UBE2E3: variants seen among roughly 807,000 people sequenced by gnomAD.
UBE2E3 encodes the protein ubiquitin conjugating enzyme E2 E3.
Under a neutral mutation model 23.6 loss-of-function variants are expected in UBE2E3, and 5 were observed. The ratio of observed to expected loss-of-function variants is 0.21; its 90% CI spans 0.11 to 0.44. UBE2E3 has a LOEUF of 0.44. Among genes scored for constraint, UBE2E3 ranks in the 20% least tolerant of loss-of-function variants. The probability of loss-of-function intolerance (pLI) is 0.99; values close to 1 mark genes in which losing one functional copy is unlikely to be tolerated. For synonymous variants in UBE2E3, 78 were observed against 87.5 expected (o/e 0.89, Z 0.60); for missense variants, 81 against 249.8 (o/e 0.32, Z 4.55).
At chr2:181,024,785 T>C (rs1480462063) in intron 3 of UBE2E3, among the ~76,000 whole-genome samples, 1 of 152,052 alleles carries the variant, frequency 6.6e-6, no homozygotes, top group Non-Finnish European at 1.5e-5. Context: ...AACTACACAC[T>C]AAAAACCAAA....
At chr2:180,982,306 G>T (rs979445536) in intron 2 of UBE2E3, 70 bp downstream of exon 2, 1 of 1,407,806 alleles carries the variant, frequency 7.1e-7, no homozygotes, top group East Asian at 2.3e-5. Flanking sequence ...GCTTTTGTTG[G>T]TTTTACCTCA....
intron 4 of UBE2E3, among the ~76,000 whole-genome samples, chr2:181,059,043 A>C (rs960433642): frequency 1.3e-5 from 2 of 151,752 alleles, no homozygotes; most frequent in African/African-American, 4.8e-5. Flanking sequence ...ATAGTACTGT[A>C]TATGATTTGC....
At chr2:181,004,987 T>C (rs12613470) in intron 3 of UBE2E3, among the ~76,000 whole-genome samples, 1 of 152,012 alleles carries the variant, frequency 6.6e-6, no homozygotes, top group Admixed American at 6.5e-5. Flanking sequence ...TGTCAGCCTA[T>C]AAGACAAACT....
At chr2:181,031,949 C>T (rs1377384481) in intron 3 of UBE2E3, among the ~76,000 whole-genome samples, 4 of 152,038 alleles carry the variant, frequency 2.6e-5, no homozygotes, top group East Asian at 1.9e-4. Flanking sequence ...AAAGTTTGTC[C>T]GGCTCACAAA....
At chr2:181,050,402 A>G (rs533278478) in intron 3 of UBE2E3, among the ~76,000 whole-genome samples, 1 of 152,024 alleles carries the variant, frequency 6.6e-6, no homozygotes, top group South Asian at 2.1e-4. Flanking sequence ...GTTTTGTTCA[A>G]CGGGATTCTC....
At chr2:181,047,089 G>C (rs1470936802) in intron 3 of UBE2E3, among the ~76,000 whole-genome samples, 1 of 152,060 alleles carries the variant, frequency 6.6e-6, no homozygotes, top group Non-Finnish European at 1.5e-5. Context: ...GGTAGTTTTT[G>C]TAGTTTATTG....
At chr2:180,983,109 T>A (rs1231734826) in intron 2 of UBE2E3, among the ~76,000 whole-genome samples, 1 of 152,204 alleles carries the variant, frequency 6.6e-6, no homozygotes, top group Non-Finnish European at 1.5e-5. Flanking sequence ...ATGTATAATG[T>A]TTACAGCATT....
intron 3 of UBE2E3, among the ~76,000 whole-genome samples, chr2:181,035,691 A>G (rs1414788253): frequency 2.0e-5 from 3 of 151,812 alleles, no homozygotes; most frequent in African/African-American, 7.3e-5. Context: ...TTTTTTTGCA[A>G]TTTTTTTTAA....
intron 3 of UBE2E3, among the ~76,000 whole-genome samples, chr2:181,026,383 A>G (rs1469274032): frequency 1.3e-5 from 2 of 151,650 alleles, no homozygotes; most frequent in East Asian, 1.9e-4. Flanking sequence ...CCATTCCCTT[A>G]ACAAATAACT....
intron 3 of UBE2E3, 116 bp from the exon 4 acceptor site, chr2:181,057,577 A>G: frequency 1.2e-6 from 1 of 812,444 alleles, no homozygotes. Flanking sequence ...TTTTATACTT[A>G]TTTTACTTCT....
intron 3 of UBE2E3, among the ~76,000 whole-genome samples, chr2:181,020,308 T>A (rs1559123684): frequency 6.6e-6 from 1 of 152,214 alleles, no homozygotes; most frequent in Non-Finnish European, 1.5e-5. Context: ...ATGGCTGCCT[T>A]CTTCCTGAGT....
At chr2:180,999,338 G>T (rs1019890768) in intron 3 of UBE2E3, among the ~76,000 whole-genome samples, 18 of 152,292 alleles carry the variant, frequency 1.2e-4, no homozygotes, top group African/African-American at 3.6e-4. Flanking sequence ...CTCCTCACCA[G>T]TTGTGAGCCT....
In UBE2E3 at chr2:180,992,665, T is replaced by A. The variant is rs190816965; in HGVS notation, c.245+8572T>A. 8.4e-4 allele frequency among the ~76,000 whole-genome samples: 128 copies of A among 152,038 alleles called. 1 individual carries two copies. The highest frequency in any genetic ancestry group is 3.1e-3 in the African/African-American group (127 of 41,462). On this transcript the variant is annotated intron_variant, in intron 3 of 5. Coordinates refer to ENST00000410062, the MANE Select transcript of UBE2E3 (RefSeq NM_006357.4). ...CGCACCCCACCATGCCTGACTAACT[T>A]TTTTTTTCTTTTTGGAGACAGAGTC...
At chr2:181,034,698 T>C (rs1321575165) in intron 3 of UBE2E3, among the ~76,000 whole-genome samples, 1 of 139,140 alleles carries the variant, frequency 7.2e-6, no homozygotes, top group Admixed American at 7.1e-5. Flanking sequence ...AAAAGAAATT[T>C]CCTGGAACTA....
intron 2 of UBE2E3, among the ~76,000 whole-genome samples, chr2:180,983,240 C>T (rs575519383): frequency 2.6e-5 from 4 of 152,126 alleles, no homozygotes. Context: ...TGGATTTTCA[C>T]CCTTATTGTC....
At chr2:180,991,149 A>ATT (rs35348964) in intron 3 of UBE2E3, among the ~76,000 whole-genome samples, 13,924 of 150,938 alleles carry the variant, frequency 0.092, 842 homozygotes, top group Middle Eastern at 0.12. Flanking sequence ...AAAACCTTTG[A>ATT]TTTTTTTTTC....
chr2:180,987,622 A>G (rs1684520811), intron 3 of UBE2E3, among the ~76,000 whole-genome samples: 1 of 152,164 alleles, frequency 6.6e-6, no homozygotes, highest in Non-Finnish European at 1.5e-5. Context: ...ACCTGAGATC[A>G]GGTGATTTCG....
intron 3 of UBE2E3, among the ~76,000 whole-genome samples, chr2:181,053,068 G>A (rs138870711): frequency 2.2e-4 from 34 of 151,542 alleles, no homozygotes; most frequent in East Asian, 9.8e-4. Context: ...TTTTCCTCTC[G>A]TTCTTTGTGA....
intron 2 of UBE2E3, among the ~76,000 whole-genome samples, chr2:180,982,764 A>G (rs896156000): frequency 1.3e-5 from 2 of 152,318 alleles, no homozygotes; most frequent in Non-Finnish European, 2.9e-5. Flanking sequence ...TTTCAATCGT[A>G]TATCACAGGT....
Sources: gnomAD v4.1 joint callset for allele counts (sites outside exome capture counted in the v4.1 genomes callset) on GRCh38, gnomAD v4.1.1 for gene constraint, MANE v1.5 for transcripts, NCBI Gene and HGNC (gene_info 2026-07-23, HGNC 2026-07-21) for gene names.